Variants in PLXNC1 observed in about 807,000 individuals in gnomAD.
PLXNC1 encodes the protein plexin-C1.
Under a neutral mutation model 178.2 loss-of-function variants are expected in PLXNC1, and 75 were observed. That is an observed-to-expected ratio of 0.42 (90% CI 0.35 to 0.51). The LOEUF is 0.51. PLXNC1 is among the 20% of genes least tolerant of loss of function. PLXNC1 has a pLI of 0.02. For missense variants in PLXNC1, 1,503 were observed against 1,984.4 expected (o/e 0.76, Z 4.61); for synonymous variants, 790 against 779.9 (o/e 1.01, Z -0.22).
chr12:94,255,318 T>A, intron 17 of PLXNC1, 22 bp downstream of exon 17: 3 of 1,477,096 alleles, frequency 2.0e-6, no homozygotes, highest in Non-Finnish European at 9.5e-7. Context: ...TTGATCATAT[T>A]CCGAAGGTTG....
At chr12:94,214,470 C>G (rs753947468) in intron 5 of PLXNC1, among the ~76,000 whole-genome samples, 1 of 152,090 alleles carries the variant, frequency 6.6e-6, no homozygotes, top group Non-Finnish European at 1.5e-5. Context: ...AAAGCCCTGT[C>G]CACTGCAGTA....
Position 94,148,995 on chromosome 12 carries a change from G to T in PLXNC1, c.24G>T (p.Ala8=). MEVSRRK[A]PPRPPRPAAP... is the part of the protein sequence containing the mutation. ...CCATGGAGGTCTCCCGGAGGAAGGC[G>T]CCGCCGCGCCCCCCGCGCCCCGCAG... is the stretch of plus-strand genomic sequence containing the variant. Residue 8 remains alanine, a synonymous_variant, in exon 1 of 31, where the codon GCG becomes GCT. Coordinates refer to ENST00000258526, the MANE Select transcript of PLXNC1 (RefSeq NM_005761.3). The surrounding 1 kb of genome is among the most constrained non-coding windows in gnomAD (Gnocchi z 4.8). The T allele has an allele frequency of 6.9e-7, 1 of 1,448,370 alleles. No individual in the cohort carries two copies. Among genetic ancestry groups the T allele is most frequent in the Non-Finnish European group, 9.0e-7 (1 of 1,108,308 alleles). The allele number at this position is 1,448,370 out of a possible 1,614,324, so 89.7% of individuals were successfully genotyped here.
intron 23 of PLXNC1, among the ~76,000 whole-genome samples, chr12:94,293,964 C>G (rs79097790): frequency 0.023 from 3,533 of 152,086 alleles, 119 homozygotes; most frequent in African/African-American, 0.081. Flanking sequence ...CATGAGGGCT[C>G]CAACCTCATG....
At chr12:94,151,041 A>G (rs1421132289) in intron 1 of PLXNC1, among the ~76,000 whole-genome samples, 1 of 152,178 alleles carries the variant, frequency 6.6e-6, no homozygotes, top group African/African-American at 2.4e-5. Context: ...CGGCTGGCAC[A>G]TCAACTCCAC....
chr12:94,201,108 T>C (rs1963101648), intron 4 of PLXNC1, among the ~76,000 whole-genome samples: 1 of 152,252 alleles, frequency 6.6e-6, no homozygotes, highest in Non-Finnish European at 1.5e-5. Context: ...TCTACTCTGA[T>C]GAAGTTCACA....
chr12:94,218,174 T>G (rs1963697216), intron 5 of PLXNC1, among the ~76,000 whole-genome samples: 1 of 152,218 alleles, frequency 6.6e-6, no homozygotes, highest in Non-Finnish European at 1.5e-5. Context: ...GATGAGTTAG[T>G]GGGAATGGTT....
intron 20 of PLXNC1, among the ~76,000 whole-genome samples, chr12:94,262,945 C>T (rs1051329315): frequency 3.3e-5 from 5 of 152,176 alleles, no homozygotes; most frequent in African/African-American, 1.2e-4. Context: ...CACAGAAGAG[C>T]TGTGACTCTC....
In PLXNC1 at chr12:94,149,208, G is replaced by C; in HGVS notation, c.237G>C (p.Leu79=). ...DYSLEHSLSR[L]YRDQAGNCTE... is the part of the protein sequence containing the mutation. ...GCCTGGAGCACAGCCTCTCGCGCCT[G>C]TACCGGGACCAAGCGGGCAACTGCA... Residue 79 remains leucine, a synonymous_variant, in exon 1 of 31, where the codon CTG becomes CTC. Coordinates refer to ENST00000258526, the MANE Select transcript of PLXNC1 (RefSeq NM_005761.3). The C allele has an allele frequency of 1.3e-6, 2 of 1,586,524 alleles. No individual in the cohort carries two copies. The highest frequency in any genetic ancestry group is 1.7e-6 in the Non-Finnish European group (2 of 1,170,968).
intron 9 of PLXNC1, among the ~76,000 whole-genome samples, chr12:94,231,093 G>A (rs1025193533): frequency 6.6e-6 from 1 of 152,070 alleles, no homozygotes; most frequent in African/African-American, 2.4e-5. Flanking sequence ...CTCTGTGCCC[G>A]GGGCTTTGTC....
chr12:94,284,556 A>G (rs916794173), intron 23 of PLXNC1, among the ~76,000 whole-genome samples: 4 of 151,996 alleles, frequency 2.6e-5, no homozygotes, highest in African/African-American at 9.7e-5. Flanking sequence ...TGCAATGGCG[A>G]TTTCAGTATT....
In PLXNC1 at chr12:94,237,722, T is replaced by G; in HGVS notation, c.2039T>G (p.Val680Gly). 1 of 1,613,902 alleles carries G rather than the reference T, an allele frequency of 6.2e-7. No homozygotes were observed. The highest frequency in any genetic ancestry group is 1.3e-5 in the African/African-American group (1 of 75,018). Residue 680 changes from valine (V) to glycine (G), a missense_variant, in exon 10 of 31, where the codon GTG (valine) becomes GGG (glycine). By Grantham distance (109) the Val-to-Gly change is moderately radical. This residue lies in a region of PLXNC1 where 615 missense variants were observed against 698.6 expected (regional missense o/e 0.88). Transcript: ENST00000258526. ...QKVSTLGKSN[V>G]IVTGANFTRA... ...GTATCGACATTAGGGAAAAGCAACG[T>G]GATAGTAACGGGAGCAAACTTTACC...
intron 23 of PLXNC1, among the ~76,000 whole-genome samples, chr12:94,293,525 G>A (rs1486009473): frequency 6.6e-6 from 1 of 152,218 alleles, no homozygotes; most frequent in Non-Finnish European, 1.5e-5. Context: ...CTAGTAGCTC[G>A]GTGAGGACCC....
Position 94,297,282 on chromosome 12 carries a change from T to C in PLXNC1, c.3967-34T>C, listed in dbSNP as rs774558290. On this transcript the variant is annotated intron_variant, in intron 25 of 30. Coordinates refer to ENST00000258526, the MANE Select transcript of PLXNC1 (RefSeq NM_005761.3). ...CATGCCTTCTGTAGCAAGAGTGGTC[T>C]CCTTGGGTAACGCTTCTGCTGTCTT... 9 of 1,612,178 alleles carry C rather than the reference T, an allele frequency of 5.6e-6. No homozygotes were observed. In the East Asian group the frequency reaches 2.0e-4, roughly 36 times the overall value.
At chr12:94,186,502 C>T (rs755130016) in intron 4 of PLXNC1, 29 bp downstream of exon 4, 15 of 1,484,336 alleles carry the variant, frequency 1.0e-5, no homozygotes, top group African/African-American at 6.9e-5. Context: ...CTCACCAACT[C>T]GCATTTTTGA....
rs1968971554 is a variant in PLXNC1, at chr12:94,306,046, C to T, written c.*761C>T. The T allele has an allele frequency of 1.3e-5, 2 of 152,100 alleles. No individual in the cohort carries two copies. Among genetic ancestry groups the T allele is most frequent in the South Asian group, 4.1e-4 (2 of 4,822 alleles). The allele number at this position is 152,100 out of a possible 1,614,324, so 9.4% of individuals were successfully genotyped here. A position where few individuals can be genotyped will look rare whatever the true frequency, so the allele number is the denominator to read the frequency against. ...CCTTTTCTTCATCTGTTTTTTCATA[C>T]TAAATGTATTTGATAGTGGACATGT... On this transcript the variant is annotated 3_prime_UTR_variant, in exon 31 of 31. Coordinates refer to ENST00000258526, the MANE Select transcript of PLXNC1 (RefSeq NM_005761.3).
intron 1 of PLXNC1, among the ~76,000 whole-genome samples, chr12:94,164,187 A>T (rs537836681): frequency 6.6e-6 from 1 of 152,316 alleles, no homozygotes; most frequent in African/African-American, 2.4e-5. Context: ...AAACTGCTTC[A>T]AAACAAAGGG....
chr12:94,250,710 C>A (rs893978388), intron 14 of PLXNC1, among the ~76,000 whole-genome samples: 8 of 152,244 alleles, frequency 5.3e-5, no homozygotes, highest in African/African-American at 1.9e-4. Flanking sequence ...CTGGTTTTTG[C>A]CACAGAATGT....
chr12:94,226,755 GGCTCAC>G, intron 8 of PLXNC1, 48 bp downstream of exon 8: 1 of 1,318,344 alleles, frequency 7.6e-7, no homozygotes, highest in Non-Finnish European at 1.1e-6. Flanking sequence ...CGGGCATGGT[GGCTCAC>G]GCCTGCAATC....
chr12:94,298,556 T>C lies in PLXNC1; in HGVS notation c.4075-76T>C, dbSNP rs1162217823. 3 of 1,162,582 alleles carry C rather than the reference T, an allele frequency of 2.6e-6. No individual in the cohort carries two copies. In the East Asian group the frequency reaches 7.3e-5, roughly 28 times the overall value. 72.0% of individuals were successfully genotyped at this position (1,162,582 alleles called of 1,614,324 possible). A position where few individuals can be genotyped will look rare whatever the true frequency, so the allele number is the denominator to read the frequency against. On this transcript the variant is annotated intron_variant, in intron 26 of 30. Transcript: ENST00000258526. ...AACATTATTTTCTCTGAATGTGGAT[T>C]TGCTTTTGCTATTATGTTTTCAAAA...
Sources: gnomAD v4.1 joint callset for allele counts (sites outside exome capture counted in the v4.1 genomes callset) on GRCh38, gnomAD v4.1.1 for gene constraint, gnomAD v4.1.1 regional missense constraint, Gnocchi (gnomAD v3.1) non-coding constraint, MANE v1.5 for transcripts, NCBI Gene and HGNC (gene_info 2026-07-23, HGNC 2026-07-21) for gene names.